Variants in NCAM2 observed in about 807,000 individuals in gnomAD.
NCAM2 encodes the protein N-CAM-2.
A neutral mutation model predicts 98.1 loss-of-function variants in NCAM2; 30 were observed. The observed-to-expected ratio is 0.31, with a 90% CI of 0.23 to 0.41. The LOEUF (loss-of-function observed/expected upper bound fraction) is 0.41. Ranked by LOEUF, NCAM2 falls within the 10% of genes least tolerant of loss-of-function variation. The pLI is 1.00. For synonymous variants in NCAM2, 368 were observed against 342.4 expected, an observed-to-expected ratio of 1.07 and a Z score of -0.83; for missense variants, 867 against 1,005.8, an observed-to-expected ratio of 0.86 and a Z score of 1.87.
At chr21:21,365,900 G>T (rs1269740569) in intron 8 of NCAM2, among the ~76,000 whole-genome samples, 2 of 152,014 alleles carry the variant, frequency 1.3e-5, no homozygotes, top group Non-Finnish European at 2.9e-5. Flanking sequence ...GGGGGAGTAG[G>T]TACCCAGTAG....
At chr21:21,182,527 A>G (rs2068514168) in intron 1 of NCAM2, among the ~76,000 whole-genome samples, 1 of 152,158 alleles carries the variant, frequency 6.6e-6, no homozygotes, top group Non-Finnish European at 1.5e-5. Context: ...ATTCATCTCT[A>G]TTATCCCAGC....
chr21:21,116,142 G>T (rs573519167), intron 1 of NCAM2, among the ~76,000 whole-genome samples: 1 of 151,968 alleles, frequency 6.6e-6, no homozygotes, highest in African/African-American at 2.4e-5. Flanking sequence ...ATTTTCTTGC[G>T]TTTATTAGTT....
At chr21:21,347,202 G>T (rs1472322516) in intron 8 of NCAM2, among the ~76,000 whole-genome samples, 2 of 151,754 alleles carry the variant, frequency 1.3e-5, no homozygotes, top group Non-Finnish European at 2.9e-5. Flanking sequence ...ATACTGATGA[G>T]CAACTATATG....
At chr21:21,245,626 T>G (rs1435095767) in intron 1 of NCAM2, among the ~76,000 whole-genome samples, 1 of 152,200 alleles carries the variant, frequency 6.6e-6, no homozygotes, top group Non-Finnish European at 1.5e-5. Flanking sequence ...TCTTTAAACA[T>G]GTGCCTAAAT....
intron 1 of NCAM2, among the ~76,000 whole-genome samples, chr21:21,027,255 T>C (rs2064570563): frequency 6.6e-6 from 1 of 152,258 alleles, no homozygotes; most frequent in African/African-American, 2.4e-5. Context: ...AATTTATTTA[T>C]ATTTTCCATT....
chr21:21,192,888 A>G (rs1256934867), intron 1 of NCAM2, among the ~76,000 whole-genome samples: 1 of 152,168 alleles, frequency 6.6e-6, no homozygotes, highest in East Asian at 1.9e-4. Context: ...ACCAGGTTCA[A>G]GATATTATCT....
chr21:21,024,504 T>C (rs1454946467), intron 1 of NCAM2, among the ~76,000 whole-genome samples: 1 of 152,182 alleles, frequency 6.6e-6, no homozygotes, highest in African/African-American at 2.4e-5. Context: ...ATAAATGACT[T>C]CAATTATCCA....
At chr21:21,215,027 A>G (rs1442340707) in intron 1 of NCAM2, among the ~76,000 whole-genome samples, 1 of 151,998 alleles carries the variant, frequency 6.6e-6, no homozygotes, top group African/African-American at 2.4e-5. Flanking sequence ...AGTCTTTTGA[A>G]TACATTTAGG....
chr21:21,336,267 G>A (rs556675295), intron 7 of NCAM2, among the ~76,000 whole-genome samples: 2 of 151,972 alleles, frequency 1.3e-5, no homozygotes, highest in Admixed American at 1.3e-4. Context: ...CCTTTAATTA[G>A]TGTAACACTA....
chr21:21,148,240 G>A (rs2067344639), intron 1 of NCAM2, among the ~76,000 whole-genome samples: 1 of 152,136 alleles, frequency 6.6e-6, no homozygotes, highest in Admixed American at 6.6e-5. Flanking sequence ...GTTCAGTCAA[G>A]TTAACACATA....
intron 1 of NCAM2, among the ~76,000 whole-genome samples, chr21:21,204,054 T>C (rs1269545881): frequency 1.3e-5 from 2 of 152,160 alleles, no homozygotes; most frequent in Non-Finnish European, 2.9e-5. Flanking sequence ...CAAGTGTCTA[T>C]TGAGTATCAA....
intron 15 of NCAM2, among the ~76,000 whole-genome samples, chr21:21,499,215 TG>T (rs1987459462): frequency 6.6e-6 from 1 of 152,206 alleles, no homozygotes; most frequent in Non-Finnish European, 1.5e-5. Context: ...TAAGCCTTAA[TG>T]AAGATAACAT....
At chr21:21,362,150 T>G (rs1192495799) in intron 8 of NCAM2, among the ~76,000 whole-genome samples, 1 of 152,172 alleles carries the variant, frequency 6.6e-6, no homozygotes, top group Non-Finnish European at 1.5e-5. Flanking sequence ...AGACCAGCGT[T>G]TGCTTTATTT....
chr21:21,286,439 T>C lies in NCAM2; in HGVS notation c.481+27T>C, dbSNP rs779614946. On this transcript the variant is annotated intron_variant, in intron 4 of 17. Coordinates refer to ENST00000400546, the MANE Select transcript of NCAM2 (RefSeq NM_004540.5). Reference sequence around the variant, plus strand: ...TTAGTATTTTGGTAACTCCCTAAGTTATATGTTCTAATACTATTGCAGTTT... The same window carrying C: ...TTAGTATTTTGGTAACTCCCTAAGTCATATGTTCTAATACTATTGCAGTTT... 7 of 1,606,046 alleles carry C rather than the reference T, an allele frequency of 4.4e-6. No homozygotes were observed. The East Asian group carries it at 1.3e-4, about 31-fold the overall frequency.
chr21:21,354,098 T>C (rs2075409682), intron 8 of NCAM2, among the ~76,000 whole-genome samples: 1 of 152,184 alleles, frequency 6.6e-6, no homozygotes, highest in South Asian at 2.1e-4. Flanking sequence ...TAATGTTTTA[T>C]ATCATAAATA....
At chr21:21,013,457 C>G (rs1260061203) in intron 1 of NCAM2, among the ~76,000 whole-genome samples, 1 of 152,096 alleles carries the variant, frequency 6.6e-6, no homozygotes, top group Non-Finnish European at 1.5e-5. Flanking sequence ...GGTGAGGAAG[C>G]TACAGAAGAA....
At chr21:21,359,944 ATG>A (rs1417798239) in intron 8 of NCAM2, among the ~76,000 whole-genome samples, 1 of 151,942 alleles carries the variant, frequency 6.6e-6, no homozygotes, top group Non-Finnish European at 1.5e-5. Context: ...ATTTGAATGA[ATG>A]TATGTACAGC....
intron 5 of NCAM2, among the ~76,000 whole-genome samples, chr21:21,300,450 T>A (rs1348062783): frequency 6.6e-6 from 1 of 152,042 alleles, no homozygotes; most frequent in Non-Finnish European, 1.5e-5. Flanking sequence ...AATTCCAATG[T>A]CCTTACCTTG....
chr21:21,224,082 C>T (rs1330008096), intron 1 of NCAM2, among the ~76,000 whole-genome samples: 1 of 152,106 alleles, frequency 6.6e-6, no homozygotes, highest in Non-Finnish European at 1.5e-5. Context: ...CACTGACACT[C>T]GGTTTTCAAT....
Sources: allele counts gnomAD v4.1 joint callset (sites outside exome capture counted in the v4.1 genomes callset), GRCh38; gene constraint gnomAD v4.1.1; transcripts MANE v1.5; gene names NCBI Gene and HGNC (gene_info 2026-07-23, HGNC 2026-07-21).